Variants in FBXW10B observed in about 807,000 individuals in gnomAD.
FBXW10B encodes the protein F-box and WD repeat domain containing 10B.
chr17:15,611,586 C>A, the FBXW10B span, among the ~76,000 whole-genome samples: 1 of 152,172 alleles, frequency 6.6e-6, no homozygotes, highest in African/African-American at 2.4e-5. Flanking sequence ...CCCGTCTCCT[C>A]CTTTGTGTCA....
the FBXW10B span, among the ~76,000 whole-genome samples, chr17:15,600,908 A>G: frequency 1.3e-5 from 2 of 150,518 alleles, no homozygotes; most frequent in Admixed American, 6.7e-5. Flanking sequence ...AACATTAGCC[A>G]GGCGTGGTGG....
chr17:15,607,468 G>A, the FBXW10B span: 3 of 865,880 alleles, frequency 3.5e-6, no homozygotes, highest in African/African-American at 1.7e-5. Context: ...AGCTTGAGGT[G>A]AGGAGAGCTT....
chr17:15,578,658 G>T, the FBXW10B span, among the ~76,000 whole-genome samples: 1 of 152,064 alleles, frequency 6.6e-6, no homozygotes, highest in South Asian at 2.1e-4. Context: ...CTGCCCTCAA[G>T]AAATTAGAAA....
chr17:15,592,523 G>A, the FBXW10B span, among the ~76,000 whole-genome samples: 14 of 152,078 alleles, frequency 9.2e-5, no homozygotes, highest in South Asian at 6.2e-4. Context: ...CTGAGTCTAC[G>A]CATATATAAA....
the FBXW10B span, among the ~76,000 whole-genome samples, chr17:15,618,397 G>C: frequency 6.6e-6 from 1 of 151,968 alleles, no homozygotes; most frequent in Non-Finnish European, 1.5e-5. Context: ...TCTGGGGGAG[G>C]AGCTTGTTTT....
At chr17:15,592,990 G>A in the FBXW10B span, among the ~76,000 whole-genome samples, 1 of 145,936 alleles carries the variant, frequency 6.9e-6, no homozygotes, top group African/African-American at 2.6e-5. Context: ...TGTAATCCCA[G>A]CTACTCGGGA....
chr17:15,602,624 G>GTTTT, the FBXW10B span, among the ~76,000 whole-genome samples: 21 of 75,366 alleles, frequency 2.8e-4, no homozygotes, highest in East Asian at 4.9e-4. Context: ...TTGAGACCGA[G>GTTTT]TTTTTTTTTT....
chr17:15,579,172 A>G, the FBXW10B span, among the ~76,000 whole-genome samples: 1 of 151,722 alleles, frequency 6.6e-6, no homozygotes, highest in African/African-American at 2.4e-5. Context: ...TAAATAAATA[A>G]AAAGGTGTCT....
At chr17:15,604,222 A>C in the FBXW10B span, among the ~76,000 whole-genome samples, 1 of 152,146 alleles carries the variant, frequency 6.6e-6, no homozygotes, top group Admixed American at 6.5e-5. Flanking sequence ...ATATAGGTGA[A>C]TCTCAAAAAC....
At chr17:15,614,103 C>T in the FBXW10B span, 1 of 1,504,136 alleles carries the variant, frequency 6.6e-7, no homozygotes, top group Non-Finnish European at 9.1e-7. Context: ...AGAACAAGTC[C>T]CCACCAAAAG....
chr17:15,602,434 G>T, the FBXW10B span, among the ~76,000 whole-genome samples: 1 of 151,888 alleles, frequency 6.6e-6, no homozygotes, highest in Non-Finnish European at 1.5e-5. Context: ...CCACATACAA[G>T]GTTGAATTGC....
chr17:15,579,146 AAAAT>A, the FBXW10B span, among the ~76,000 whole-genome samples: 13 of 144,832 alleles, frequency 9.0e-5, no homozygotes, highest in African/African-American at 2.3e-4. Context: ...CCCATTTCTT[AAAAT>A]AAATAAATAA....
At chr17:15,598,952 G>A in the FBXW10B span, among the ~76,000 whole-genome samples, 6 of 152,060 alleles carry the variant, frequency 3.9e-5, no homozygotes, top group African/African-American at 9.7e-5. Context: ...TGAGGCAGGC[G>A]GATCATGAGA....
the FBXW10B span, among the ~76,000 whole-genome samples, chr17:15,589,631 C>A: frequency 4.8e-5 from 7 of 145,488 alleles, no homozygotes; most frequent in African/African-American, 9.8e-5. Flanking sequence ...TATGTCACAA[C>A]TAAATTTGTG....
At chr17:15,575,524 C>T in the FBXW10B span, among the ~76,000 whole-genome samples, 2 of 149,386 alleles carry the variant, frequency 1.3e-5, no homozygotes, top group South Asian at 4.1e-4. Context: ...CTAGTTGCAG[C>T]TCAGCTTCCA....
At chr17:15,586,923 G>A in the FBXW10B span, among the ~76,000 whole-genome samples, 7 of 151,544 alleles carry the variant, frequency 4.6e-5, no homozygotes, top group African/African-American at 1.5e-4. Context: ...TGGGAGGAAG[G>A]AAGTAAATCT....
chr17:15,570,943 T>C, the FBXW10B span, among the ~76,000 whole-genome samples: 2 of 151,954 alleles, frequency 1.3e-5, no homozygotes, highest in African/African-American at 4.8e-5. Flanking sequence ...AAAATGAAAA[T>C]ACAAGCCACA....
chr17:15,596,094 G>A, the FBXW10B span, among the ~76,000 whole-genome samples: 1 of 151,798 alleles, frequency 6.6e-6, no homozygotes, highest in East Asian at 1.9e-4. Context: ...CACTATGTTC[G>A]TCAGGCTGGT....
chr17:15,566,066 G>A, the FBXW10B span: 1 of 1,606,968 alleles, frequency 6.2e-7, no homozygotes, highest in African/African-American at 1.4e-5. Context: ...ACATCTATAG[G>A]AGGATTGCTC....
Sources: gnomAD v4.1 joint callset for allele counts (sites outside exome capture counted in the v4.1 genomes callset) on GRCh38, gnomAD v4.1.1 for gene constraint, MANE v1.5 for transcripts, NCBI Gene and HGNC (gene_info 2026-07-23, HGNC 2026-07-21) for gene names.